ITFG1: variants seen among roughly 807,000 people sequenced by gnomAD.
ITFG1 encodes the protein T-cell immunomodulatory protein.
In ITFG1, 34 loss-of-function variants were observed where a neutral mutation model predicts 81.8. That is an observed-to-expected ratio of 0.42 (90% CI 0.32 to 0.55). ITFG1 has a LOEUF of 0.55. Among genes scored for constraint, ITFG1 ranks in the 20% least tolerant of loss-of-function variants. The probability of loss-of-function intolerance (pLI) is 0.17; values close to 1 mark genes in which losing one functional copy is unlikely to be tolerated. For synonymous variants in ITFG1, 285 were observed against 270.6 expected, an observed-to-expected ratio of 1.05 and a Z score of -0.52; for missense variants, 672 against 755.4, an observed-to-expected ratio of 0.89 and a Z score of 1.29.
At chr16:47,440,159 A>C (rs1365687674) in intron 5 of ITFG1, among the ~76,000 whole-genome samples, 2 of 152,186 alleles carry the variant, frequency 1.3e-5, no homozygotes, top group African/African-American at 4.8e-5. Context: ...ATATGCACCC[A>C]ATACAGGAGC....
chr16:47,402,443 G>C (rs554435135), intron 6 of ITFG1, among the ~76,000 whole-genome samples: 2 of 152,260 alleles, frequency 1.3e-5, no homozygotes, highest in African/African-American at 4.8e-5. Context: ...TTACAAATGA[G>C]ACAGTCTCAA....
chr16:47,371,861 C>A (rs1363909614), intron 7 of ITFG1, among the ~76,000 whole-genome samples: 1 of 151,504 alleles, frequency 6.6e-6, no homozygotes, highest in Admixed American at 6.6e-5. Flanking sequence ...TGTGCCAACG[C>A]TGAAAAATTC....
intron 6 of ITFG1, among the ~76,000 whole-genome samples, chr16:47,400,789 G>A (rs1040329311): frequency 7.2e-5 from 11 of 152,234 alleles, no homozygotes; most frequent in African/African-American, 1.2e-4. Flanking sequence ...TCCATGTGGC[G>A]GGAGCACAAA....
chr16:47,285,094 T>C (rs1966864446), intron 10 of ITFG1, among the ~76,000 whole-genome samples: 1 of 152,174 alleles, frequency 6.6e-6, no homozygotes, highest in South Asian at 2.1e-4. Flanking sequence ...TTTGTTGTAA[T>C]GTTGGGTGTG....
chr16:47,426,731 G>A (rs565082825), intron 6 of ITFG1, among the ~76,000 whole-genome samples: 5 of 151,878 alleles, frequency 3.3e-5, no homozygotes, highest in Admixed American at 6.6e-5. Context: ...AAAATCGTAC[G>A]TCAATAATGA....
intron 10 of ITFG1, among the ~76,000 whole-genome samples, chr16:47,270,064 A>G (rs1425165991): frequency 1.3e-5 from 2 of 152,168 alleles, no homozygotes; most frequent in Non-Finnish European, 2.9e-5. Context: ...ACAATTTACA[A>G]AAAAGGAACT....
intron 8 of ITFG1, among the ~76,000 whole-genome samples, chr16:47,331,385 T>A (rs1967635330): frequency 1.3e-5 from 2 of 152,114 alleles, no homozygotes; most frequent in Non-Finnish European, 2.9e-5. Context: ...CTGTGTTCAC[T>A]ACTTGGGTAA....
chr16:47,432,262 A>G (rs1969105402), intron 5 of ITFG1, among the ~76,000 whole-genome samples: 1 of 152,216 alleles, frequency 6.6e-6, no homozygotes, highest in South Asian at 2.1e-4. Flanking sequence ...CAGATATGTC[A>G]TCTCCATAGA....
intron 10 of ITFG1, among the ~76,000 whole-genome samples, chr16:47,265,190 T>A (rs1280207942): frequency 2.3e-5 from 3 of 131,728 alleles, no homozygotes; most frequent in Admixed American, 7.8e-5. Context: ...TTTTTTTTTT[T>A]AAATTTTGTT....
chr16:47,275,975 A>G (rs1966393701), intron 10 of ITFG1, among the ~76,000 whole-genome samples: 1 of 152,174 alleles, frequency 6.6e-6, no homozygotes, highest in Admixed American at 6.5e-5. Flanking sequence ...ACTCTTCTGA[A>G]TAAAAAGAAT....
chr16:47,375,690 T>G (rs1355459052), intron 7 of ITFG1, among the ~76,000 whole-genome samples, 186 bp downstream of exon 7: 1 of 152,254 alleles, frequency 6.6e-6, no homozygotes, highest in Admixed American at 6.5e-5. Context: ...GAGTAACTGA[T>G]GCTGAATGAA....
At chr16:47,276,318 A>C (rs1351394164) in intron 10 of ITFG1, among the ~76,000 whole-genome samples, 1 of 152,174 alleles carries the variant, frequency 6.6e-6, no homozygotes, top group Non-Finnish European at 1.5e-5. Flanking sequence ...AAGTTTTAAA[A>C]AATAATCTAG....
intron 6 of ITFG1, among the ~76,000 whole-genome samples, chr16:47,403,275 C>T (rs1302469867): frequency 1.3e-5 from 2 of 148,680 alleles, no homozygotes; most frequent in Non-Finnish European, 3.0e-5. Flanking sequence ...AAGTTAAACA[C>T]TGTGTGGAAG....
chr16:47,361,326 A>T (rs1166035310), intron 8 of ITFG1, among the ~76,000 whole-genome samples: 2 of 152,130 alleles, frequency 1.3e-5, no homozygotes, highest in Non-Finnish European at 2.9e-5. Context: ...CTTCAGTTTT[A>T]TAGCTTTTAT....
chr16:47,346,971 C>T (rs930087034), intron 8 of ITFG1, among the ~76,000 whole-genome samples: 14 of 152,200 alleles, frequency 9.2e-5, no homozygotes, highest in Non-Finnish European at 1.9e-4. Flanking sequence ...AAACTACAGG[C>T]CAATGTCCCT....
At chr16:47,251,028 C>G (rs1966068045) in intron 12 of ITFG1, among the ~76,000 whole-genome samples, 1 of 152,092 alleles carries the variant, frequency 6.6e-6, no homozygotes, top group Non-Finnish European at 1.5e-5. Context: ...TAGTCAGTGC[C>G]CTATATAACT....
At chr16:47,403,057 G>A (rs1596960082) in intron 6 of ITFG1, among the ~76,000 whole-genome samples, 1 of 152,032 alleles carries the variant, frequency 6.6e-6, no homozygotes, top group East Asian at 1.9e-4. Flanking sequence ...ACAAAGTTCT[G>A]TCTGCAAAAT....
chr16:47,191,590 C>A (rs1965293486), intron 14 of ITFG1, among the ~76,000 whole-genome samples: 1 of 152,194 alleles, frequency 6.6e-6, no homozygotes, highest in Non-Finnish European at 1.5e-5. Context: ...CTCACTGCAA[C>A]CTCCAACTCC....
chr16:47,277,027 C>T lies in ITFG1; in HGVS notation c.1071-16332G>A, dbSNP rs115688240. 3.3e-3 allele frequency among the ~76,000 whole-genome samples: 509 copies of T among 152,262 alleles called. 3 individuals are homozygous for T. Among genetic ancestry groups the T allele is most frequent in the African/African-American group, 0.011 (474 of 41,538 alleles). On this transcript the variant is annotated intron_variant, in intron 10 of 17. Transcript: ENST00000320640. Reference sequence around the variant, plus strand: ...AAATAACCTGTATTCATTCTGTGCACATCTGTAACATTAAGCTAGCTATAA... The same window carrying T: ...AAATAACCTGTATTCATTCTGTGCATATCTGTAACATTAAGCTAGCTATAA...
Sources: gnomAD v4.1 joint callset for allele counts (sites outside exome capture counted in the v4.1 genomes callset) on GRCh38, gnomAD v4.1.1 for gene constraint, MANE v1.5 for transcripts, NCBI Gene and HGNC (gene_info 2026-07-23, HGNC 2026-07-21) for gene names.